The following TBC1D2B variants were observed in gnomAD, a reference collection of about 807,000 sequenced individuals.
TBC1D2B encodes the protein TBC1 domain family, member 2B.
TBC1D2B carries 64 observed loss-of-function variants against 100.8 expected under a neutral mutation model. The ratio of observed to expected loss-of-function variants is 0.64; its 90% CI spans 0.52 to 0.78. TBC1D2B has a LOEUF of 0.78. TBC1D2B is among the 30% of genes least tolerant of loss of function. The pLI, the probability that TBC1D2B is intolerant of heterozygous loss-of-function variation, is 0.00. For synonymous variants in TBC1D2B, 480 were observed against 479.7 expected (o/e 1.00, Z -0.01); for missense variants, 1,052 against 1,218.4 (o/e 0.86, Z 2.03).
At position 78,009,059 on chromosome 15, in the gene TBC1D2B, C is replaced by T. The variant is rs138371601; in HGVS notation, c.2326G>A (p.Val776Ile). 25 of 1,608,970 alleles carry T rather than the reference C, an allele frequency of 1.6e-5. No individual in the cohort carries two copies. The highest frequency in any genetic ancestry group is 1.1e-4 in the African/African-American group (8 of 74,966). ...GGCATGAAAACTTCCACTATGGTAA[C>T]GAGACACCAGAAAGCATCTTCTTGT... ...LEQEDAFWCL[V>I]TIVEVFMPRD... is the part of the protein sequence containing the mutation. Residue 776 changes from valine to isoleucine, a missense_variant, in exon 10 of 13, where the codon GTT becomes ATT. Coordinates refer to ENST00000300584, the MANE Select transcript of TBC1D2B (RefSeq NM_144572.2).
At chr15:78,010,043 T>C (rs2072182557) in intron 9 of TBC1D2B, among the ~76,000 whole-genome samples, 1 of 150,150 alleles carries the variant, frequency 6.7e-6, no homozygotes, top group Non-Finnish European at 1.5e-5. Flanking sequence ...AAGTTCCAAA[T>C]AACCCTTTTA....
chr15:78,031,033 G>A (rs55704745), intron 3 of TBC1D2B, among the ~76,000 whole-genome samples: 32,010 of 152,092 alleles, frequency 0.21, 3,643 homozygotes, highest in East Asian at 0.36. Flanking sequence ...AAAGCTATAC[G>A]TATCATAGGG....
At chr15:78,061,241 T>C (rs1006615555) in intron 1 of TBC1D2B, among the ~76,000 whole-genome samples, 3 of 150,052 alleles carry the variant, frequency 2.0e-5, no homozygotes, top group Middle Eastern at 3.5e-3. Flanking sequence ...CAAAACTCCA[T>C]ATCAAAAACA....
intron 6 of TBC1D2B, 33 bp from the exon 7 acceptor site, chr15:78,017,990 ATTGG>A: frequency 8.2e-7 from 1 of 1,213,922 alleles, no homozygotes; most frequent in Non-Finnish European, 1.2e-6. Flanking sequence ...CTGAATTCAC[ATTGG>A]TTGAATATTG....
At position 78,049,326 on chromosome 15, in the gene TBC1D2B, C is replaced by A. The variant is rs35089592; in HGVS notation, c.515-4258G>T. 7.7e-4 allele frequency among the ~76,000 whole-genome samples: 117 copies of A among 152,304 alleles called. No individual in the cohort carries two copies. In the East Asian group the frequency reaches 0.02, roughly 26 times the overall value. On this transcript the variant is annotated intron_variant, in intron 2 of 12. Coordinates refer to ENST00000300584, the MANE Select transcript of TBC1D2B (RefSeq NM_144572.2). ...TAACAGCTGCATATCCAACACCTAGCATAGAGGAGTGACTTAATAAATATT... is the reference window on the plus strand; with the variant it reads ...TAACAGCTGCATATCCAACACCTAGAATAGAGGAGTGACTTAATAAATATT...
At chr15:78,035,293 A>G (rs2072918898) in intron 3 of TBC1D2B, among the ~76,000 whole-genome samples, 1 of 152,256 alleles carries the variant, frequency 6.6e-6, no homozygotes, top group Non-Finnish European at 1.5e-5. Flanking sequence ...ATGTCTAACT[A>G]AAACAGTAAT....
rs780412626 is a variant in TBC1D2B at position 78,024,449 on chromosome 15, C to T, written c.1177G>A (p.Asp393Asn). Reference sequence around the variant, plus strand: ...TTTTGGTGCAGAAGCTCGAGCGTGTCCTTTGGGACCCCCTCACAGAGCCGG... The same window carrying T: ...TTTTGGTGCAGAAGCTCGAGCGTGTTCTTTGGGACCCCCTCACAGAGCCGG... Reference protein sequence around the residue: ...SSRLCEGVPKDTLELLHQKDD... With the variant: ...SSRLCEGVPKNTLELLHQKDD... Residue 393 changes from aspartate (D) to asparagine (N), a missense_variant, in exon 6 of 13, where the codon GAC becomes AAC. Coordinates refer to ENST00000300584, the MANE Select transcript of TBC1D2B (RefSeq NM_144572.2). The T allele has an allele frequency of 4.5e-5, 72 of 1,613,912 alleles. No individual in the cohort carries two copies. Among genetic ancestry groups the T allele is most frequent in the Middle Eastern group, 1.6e-4 (1 of 6,084 alleles).
Position 78,025,355 on chromosome 15 carries a change from G to A in TBC1D2B, c.990C>T (p.Ser330=), listed in dbSNP as rs765906937. 1.9e-6 allele frequency: 3 copies of A among 1,613,850 alleles called. No homozygotes were observed. The highest frequency in any genetic ancestry group is 2.5e-6 in the Non-Finnish European group (3 of 1,179,874). Residue 330 remains serine (S), a synonymous_variant, in exon 5 of 13, where the codon AGC becomes AGT. Coordinates refer to ENST00000300584, the MANE Select transcript of TBC1D2B (RefSeq NM_144572.2). ...CGGAGGCCGGCTTCCTGATGCTGAC[G>A]CTGCCACTGCCTGATGTGCCTTCAC... ...PSSEGTSGSG[S]VSIRKPASEM...
intron 1 of TBC1D2B, among the ~76,000 whole-genome samples, chr15:78,055,630 A>G (rs568054663): frequency 6.6e-6 from 1 of 152,318 alleles, no homozygotes; most frequent in East Asian, 1.9e-4. Context: ...TGCTGTGACC[A>G]CAACCTGGGT....
At chr15:78,033,514 C>T (rs1032164191) in intron 3 of TBC1D2B, among the ~76,000 whole-genome samples, 2 of 152,166 alleles carry the variant, frequency 1.3e-5, no homozygotes, top group African/African-American at 4.8e-5. Flanking sequence ...GGGAAGGGAT[C>T]AACCGCAAAG....
intron 3 of TBC1D2B, among the ~76,000 whole-genome samples, chr15:78,042,051 T>A (rs1031079864): frequency 1.3e-5 from 2 of 152,192 alleles, no homozygotes; most frequent in Admixed American, 1.3e-4. Flanking sequence ...GCCTGGTTCT[T>A]AATCACTGTG....
At chr15:78,018,720 C>T (rs1264587037) in intron 6 of TBC1D2B, among the ~76,000 whole-genome samples, 3 of 152,246 alleles carry the variant, frequency 2.0e-5, no homozygotes, top group African/African-American at 7.2e-5. Context: ...AGCAAGAAAG[C>T]TGAAAGGATC....
At chr15:78,070,159 C>T (rs2073721175) in intron 1 of TBC1D2B, among the ~76,000 whole-genome samples, 1 of 152,226 alleles carries the variant, frequency 6.6e-6, no homozygotes, top group African/African-American at 2.4e-5. Context: ...ACCAGGCACT[C>T]CTTGAGTCCC....
intron 3 of TBC1D2B, among the ~76,000 whole-genome samples, chr15:78,043,295 G>A (rs2073126737): frequency 6.6e-6 from 1 of 152,224 alleles, no homozygotes; most frequent in African/African-American, 2.4e-5. Context: ...CCCTTATGGA[G>A]CTCAGCTGGC....
In TBC1D2B at chr15:78,029,991, G is replaced by A; in HGVS notation, c.847+16C>T. The A allele has an allele frequency of 6.3e-7, 1 of 1,596,196 alleles. No individual in the cohort carries two copies. The highest frequency in any genetic ancestry group is 8.5e-7 in the Non-Finnish European group (1 of 1,172,080). On this transcript the variant is annotated intron_variant, in intron 4 of 12. Coordinates refer to ENST00000300584, the MANE Select transcript of TBC1D2B (RefSeq NM_144572.2). ...GCAGTACAGAGAATGACAGACAACA[G>A]GAAGTACATTGATACCTTTGTTTCC... is the stretch of plus-strand genomic sequence containing the variant.
At chr15:78,032,107 T>C (rs1331298454) in intron 3 of TBC1D2B, among the ~76,000 whole-genome samples, 1 of 152,230 alleles carries the variant, frequency 6.6e-6, no homozygotes, top group Non-Finnish European at 1.5e-5. Flanking sequence ...AACCGAGTAC[T>C]GATTGTGGCT....
At chr15:78,010,149 T>A (rs1480741206) in intron 9 of TBC1D2B, among the ~76,000 whole-genome samples, 1 of 152,066 alleles carries the variant, frequency 6.6e-6, no homozygotes, top group Non-Finnish European at 1.5e-5. Flanking sequence ...GCTGAAGGAA[T>A]AAAATGGGCT....
chr15:78,070,519 A>G (rs1239295984), intron 1 of TBC1D2B, among the ~76,000 whole-genome samples: 10 of 152,204 alleles, frequency 6.6e-5, no homozygotes, highest in African/African-American at 1.2e-4. Context: ...GTGCCTAAGC[A>G]CACACAGTGA....
intron 10 of TBC1D2B, among the ~76,000 whole-genome samples, chr15:78,004,582 G>A (rs2072016907): frequency 6.6e-6 from 1 of 152,214 alleles, no homozygotes; most frequent in Non-Finnish European, 1.5e-5. Flanking sequence ...GAACCGGTAT[G>A]CACGTGTACA....
Sources: gnomAD v4.1 joint callset for allele counts (sites outside exome capture counted in the v4.1 genomes callset) on GRCh38, gnomAD v4.1.1 for gene constraint, MANE v1.5 for transcripts, NCBI Gene and HGNC (gene_info 2026-07-23, HGNC 2026-07-21) for gene names.